Variants in LARP4 observed in about 807,000 individuals in gnomAD.
LARP4 encodes La ribonucleoprotein 4, also known as la-related protein 4.
A neutral mutation model predicts 92.9 loss-of-function variants in LARP4; 29 were observed. The observed-to-expected ratio is 0.31, with a 90% CI of 0.23 to 0.43. LARP4 has a LOEUF of 0.43. Among genes scored for constraint, LARP4 ranks in the 20% least tolerant of loss-of-function variants. The pLI is 1.00. For synonymous variants in LARP4, 279 were observed against 284.1 expected (o/e 0.98, Z 0.18); for missense variants, 732 against 860.0 (o/e 0.85, Z 1.86).
rs185634080 is a variant in LARP4 at position 50,475,510 on chromosome 12, T to A, written c.1837-16T>A. 47 of 1,560,194 alleles carry A rather than the reference T, an allele frequency of 3.0e-5. No individual in the cohort carries two copies. Among genetic ancestry groups the A allele is most frequent in the African/African-American group, 9.7e-5 (7 of 72,354 alleles). ...AATGTGTACCATAAATGTTTTTTTT[T>A]ATCATCACTTCAAAGGAACCCCGAA... On this transcript the variant is annotated splice_polypyrimidine_tract_variant and intron_variant, in intron 15 of 15. Transcript: ENST00000398473.
chr12:50,426,481 G>T (rs1948719083), intron 1 of LARP4, among the ~76,000 whole-genome samples: 1 of 151,888 alleles, frequency 6.6e-6, no homozygotes, highest in Admixed American at 6.6e-5. Flanking sequence ...CTCTCCTGTG[G>T]GTACAAAACA....
Position 50,451,951 on chromosome 12 carries a change from C to T in LARP4, c.805-1509C>T, listed in dbSNP as rs147944266. 1.7e-3 allele frequency among the ~76,000 whole-genome samples: 253 copies of T among 152,106 alleles called. 1 individual carries two copies. Among genetic ancestry groups the T allele is most frequent in the African/African-American group, 5.7e-3 (237 of 41,504 alleles). ...CCAGGTGGCGGAGGTTGCAGTGAGCCAAGATTGCACCACTGCACTCCAGCC... is the reference window on the plus strand; with the variant it reads ...CCAGGTGGCGGAGGTTGCAGTGAGCTAAGATTGCACCACTGCACTCCAGCC... On this transcript the variant is annotated intron_variant, in intron 8 of 15. Coordinates refer to ENST00000398473, the MANE Select transcript of LARP4 (RefSeq NM_052879.5).
Position 50,429,140 on chromosome 12 carries a change from C to T in LARP4, c.322+50C>T, listed in dbSNP as rs1276764505. On this transcript the variant is annotated intron_variant, in intron 3 of 15. Transcript: ENST00000398473. ...AAATGAGAATTCAGTACAGGACACC[C>T]CCCACCCATGGTCTCTTTATACTTG... 5.9e-6 allele frequency: 8 copies of T among 1,360,346 alleles called. No individual in the cohort carries two copies. In the African/African-American group the frequency reaches 7.2e-5, roughly 12 times the overall value. 84.3% of individuals were successfully genotyped at this position (1,360,346 alleles called of 1,614,324 possible).
intron 3 of LARP4, 139 bp from the exon 4 acceptor site, chr12:50,430,356 C>T (rs1949461115): frequency 1.8e-6 from 1 of 568,208 alleles, no homozygotes. Flanking sequence ...AAAGGGAGAC[C>T]CTGTTTCTCT....
intron 1 of LARP4, among the ~76,000 whole-genome samples, chr12:50,416,007 T>C (rs940407907): frequency 1.3e-5 from 2 of 151,210 alleles, no homozygotes; most frequent in African/African-American, 4.9e-5. Flanking sequence ...GCCCCCACCC[T>C]CCATGTTTTC....
intron 6 of LARP4, 76 bp downstream of exon 6, chr12:50,437,914 A>G (rs1593097416): frequency 7.4e-6 from 7 of 939,978 alleles, no homozygotes; most frequent in Non-Finnish European, 1.6e-6. Flanking sequence ...TTTCGTGGCA[A>G]AGAAGAAAAA....
Position 50,430,601 on chromosome 12 carries a change from T to G in LARP4, c.398+31T>G, listed in dbSNP as rs754557696. 7.7e-6 allele frequency: 10 copies of G among 1,293,952 alleles called. No homozygotes were observed. In the South Asian group the frequency reaches 1.3e-4, roughly 17 times the overall value. 80.2% of individuals were successfully genotyped at this position (1,293,952 alleles called of 1,614,324 possible). A position where few individuals can be genotyped will look rare whatever the true frequency, so the allele number is the denominator to read the frequency against. ...GCTGTTTCCCCTTTATTGAATTTTA[T>G]TAGTAGATGTAAAATACGTGTGAAA... On this transcript the variant is annotated intron_variant, in intron 4 of 15. Transcript: ENST00000398473.
intron 1 of LARP4, among the ~76,000 whole-genome samples, chr12:50,426,025 T>G (rs1273564485): frequency 6.6e-6 from 1 of 152,098 alleles, no homozygotes; most frequent in Non-Finnish European, 1.5e-5. Context: ...TCATATTGCA[T>G]CCGGTTCTGT....
intron 1 of LARP4, among the ~76,000 whole-genome samples, chr12:50,409,929 A>G (rs1945539852): frequency 6.6e-6 from 1 of 151,658 alleles, no homozygotes; most frequent in Non-Finnish European, 1.5e-5. Context: ...AGTAGCTGAG[A>G]TTACACACAG....
rs754851504 is a variant in LARP4, at chr12:50,457,300, G to A, written c.1121+2883G>A. 4.7e-5 allele frequency among the ~76,000 whole-genome samples: 7 copies of A among 148,784 alleles called. No homozygotes were observed. In the East Asian group the frequency reaches 8.4e-4, roughly 18 times the overall value. On this transcript the variant is annotated intron_variant, in intron 10 of 15. Transcript: ENST00000398473. ...CGGCTCACTGCAACGTCCGTCTCCC[G>A]GGTTCAAGCGATACTCCTGCCTTAG... is the stretch of plus-strand genomic sequence containing the variant.
At chr12:50,455,497 T>A (rs1239840153) in intron 10 of LARP4, among the ~76,000 whole-genome samples, 1 of 152,244 alleles carries the variant, frequency 6.6e-6, no homozygotes, top group African/African-American at 2.4e-5. Flanking sequence ...TCCTAATGGT[T>A]TATTTTCAGT....
At chr12:50,423,003 A>C (rs1237825042) in intron 1 of LARP4, among the ~76,000 whole-genome samples, 1 of 151,680 alleles carries the variant, frequency 6.6e-6, no homozygotes, top group African/African-American at 2.4e-5. Flanking sequence ...TATGTTTAGT[A>C]GCGACGGGGT....
intron 15 of LARP4, 125 bp from the exon 16 acceptor site, chr12:50,475,401 A>G (rs2139235852): frequency 1.4e-6 from 1 of 727,672 alleles, no homozygotes; most frequent in Non-Finnish European, 2.3e-6. Flanking sequence ...AGTATATATG[A>G]GAGTGCTTGT....
chr12:50,437,067 C>A (rs1354567113), intron 5 of LARP4, among the ~76,000 whole-genome samples: 1 of 152,156 alleles, frequency 6.6e-6, no homozygotes, highest in Non-Finnish European at 1.5e-5. Flanking sequence ...ACTTATTATA[C>A]CTATGCCATC....
intron 1 of LARP4, among the ~76,000 whole-genome samples, chr12:50,423,710 G>A (rs980681095): frequency 2.0e-5 from 3 of 150,922 alleles, no homozygotes; most frequent in African/African-American, 7.3e-5. Context: ...GCCTCCCAAA[G>A]TGCTGGGGTT....
intron 1 of LARP4, among the ~76,000 whole-genome samples, chr12:50,422,918 A>G (rs1948073892): frequency 6.6e-6 from 1 of 151,372 alleles, no homozygotes; most frequent in African/African-American, 2.4e-5. Context: ...CCTGGGTTCA[A>G]GCGATTCTCT....
At chr12:50,425,740 C>T (rs905960749) in intron 1 of LARP4, among the ~76,000 whole-genome samples, 5 of 152,140 alleles carry the variant, frequency 3.3e-5, no homozygotes, top group Non-Finnish European at 7.4e-5. Context: ...CTTCCTAGAT[C>T]ATTTGTTCCC....
At chr12:50,435,012 C>T (rs1394859187) in intron 4 of LARP4, among the ~76,000 whole-genome samples, 8 of 152,176 alleles carry the variant, frequency 5.3e-5, no homozygotes, top group South Asian at 2.1e-4. Flanking sequence ...TGCGCCACTG[C>T]GCTCCAGACT....
intron 8 of LARP4, among the ~76,000 whole-genome samples, chr12:50,451,092 T>C (rs1019842545): frequency 6.6e-6 from 1 of 152,202 alleles, no homozygotes; most frequent in Admixed American, 6.5e-5. Flanking sequence ...CTTTTTGGTA[T>C]TGCAAACATT....
Sources: gnomAD v4.1 joint callset for allele counts (sites outside exome capture counted in the v4.1 genomes callset) on GRCh38, gnomAD v4.1.1 for gene constraint, MANE v1.5 for transcripts, NCBI Gene and HGNC (gene_info 2026-07-23, HGNC 2026-07-21) for gene names.